KCNK2: variants seen among roughly 807,000 people sequenced by gnomAD.
KCNK2 encodes potassium channel subfamily K member 2.
Under a neutral mutation model 40.5 loss-of-function variants are expected in KCNK2, and 21 were observed. That is an observed-to-expected ratio of 0.52 (90% CI 0.37 to 0.75). The LOEUF (loss-of-function observed/expected upper bound fraction) is 0.75, where lower values mean the gene tolerates loss of function less well. Ranked by LOEUF, KCNK2 falls within the 30% of genes least tolerant of loss-of-function variation. The probability of loss-of-function intolerance (pLI) is 0.00; values close to 1 mark genes in which losing one functional copy is unlikely to be tolerated. For missense variants in KCNK2, 399 were observed against 531.6 expected (o/e 0.75, Z 2.45); for synonymous variants, 191 against 202.2 (o/e 0.94, Z 0.47).
Position 215,083,217 on chromosome 1 carries a change from T to TC in KCNK2, c.-167dup. ...GCTCCCCCCCCCGCCCCCTCCCGCG[T>TC]CCAGCCCCGCTCTCCCCACCTTGTA... On this transcript the variant is annotated 5_prime_UTR_variant, in exon 1 of 7. Transcript: ENST00000444842. 3.1e-5 allele frequency: 17 copies of TC among 556,606 alleles called. No homozygotes were observed. The highest frequency in any genetic ancestry group is 1.3e-4 in the South Asian group (5 of 38,490). 34.5% of individuals were successfully genotyped at this position (556,606 alleles called of 1,614,324 possible). A position where few individuals can be genotyped will look rare whatever the true frequency, so the allele number is the denominator to read the frequency against.
At chr1:215,007,029 A>ATATGTGTGTGTGTG (rs1553254669) in intron 1 of KCNK2, among the ~76,000 whole-genome samples, 35 of 68,414 alleles carry the variant, frequency 5.1e-4, no homozygotes, top group Non-Finnish European at 8.0e-4. Context: ...ATATATATAT[A>ATATGTGTGTGTGTG]TATATATATG....
chr1:215,015,592 T>A lies in KCNK2; in HGVS notation c.34+9637T>A, dbSNP rs564877169. Reference sequence around the variant, plus strand: ...GACATTTTTTCTTCTCTGTTAAAAATCTCAGTGACAGAGACGTGTGCTCCC... The same window carrying A: ...GACATTTTTTCTTCTCTGTTAAAAAACTCAGTGACAGAGACGTGTGCTCCC... On this transcript the variant is annotated intron_variant, in intron 1 of 6. Transcript: ENST00000391895. Among the ~76,000 whole-genome samples the A allele has an allele frequency of 5.7e-4, 87 of 152,232 alleles. 1 individual carries two copies. The highest frequency in any genetic ancestry group is 2.0e-3 in the African/African-American group (83 of 41,560).
At chr1:215,230,505 C>CTGTG (rs201557424) in intron 6 of KCNK2, among the ~76,000 whole-genome samples, 27 of 65,578 alleles carry the variant, frequency 4.1e-4, no homozygotes, top group East Asian at 7.0e-4. Flanking sequence ...ACACACACGG[C>CTGTG]TGTATATATA....
intron 2 of KCNK2, among the ~76,000 whole-genome samples, chr1:215,090,122 C>T (rs1405816016): frequency 1.3e-5 from 2 of 152,002 alleles, no homozygotes; most frequent in East Asian, 1.9e-4. Context: ...CACTGCACCC[C>T]GCCTGTTTAA....
chr1:215,116,151 A>C (rs12145594), intron 2 of KCNK2, among the ~76,000 whole-genome samples: 12,568 of 152,058 alleles, frequency 0.083, 572 homozygotes, highest in Middle Eastern at 0.15. Flanking sequence ...AACTATGTTA[A>C]ATGTAGCTAC....
intron 2 of KCNK2, among the ~76,000 whole-genome samples, chr1:215,089,888 G>A (rs997898508): frequency 5.4e-5 from 8 of 149,190 alleles, no homozygotes; most frequent in African/African-American, 1.2e-4. Context: ...GTGCAATGGC[G>A]TGATCTCGGC....
intron 6 of KCNK2, among the ~76,000 whole-genome samples, chr1:215,201,241 A>C (rs1477177148): frequency 1.4e-5 from 2 of 145,942 alleles, no homozygotes; most frequent in Non-Finnish European, 3.0e-5. Context: ...GGTAGATCAT[A>C]TTGGCTAAAG....
chr1:215,226,158 C>A (rs1402032204), intron 6 of KCNK2, among the ~76,000 whole-genome samples: 3 of 152,214 alleles, frequency 2.0e-5, no homozygotes, highest in African/African-American at 7.2e-5. Context: ...GGTTTGGAAC[C>A]ATTATTGAGG....
chr1:215,179,760 G>A (rs573345130), intron 5 of KCNK2, among the ~76,000 whole-genome samples: 3 of 152,088 alleles, frequency 2.0e-5, no homozygotes, highest in Admixed American at 6.6e-5. Flanking sequence ...TAAATTTATT[G>A]AGATTTGCTT....
chr1:215,207,347 A>G (rs1473990310), intron 6 of KCNK2, among the ~76,000 whole-genome samples: 3 of 152,250 alleles, frequency 2.0e-5, no homozygotes, highest in Admixed American at 1.3e-4. Context: ...CACACTCCCT[A>G]TGAGAATCTA....
At chr1:215,184,437 G>A (rs1664345692) in intron 5 of KCNK2, among the ~76,000 whole-genome samples, 1 of 152,124 alleles carries the variant, frequency 6.6e-6, no homozygotes, top group Non-Finnish European at 1.5e-5. Context: ...CAGGCCTGAT[G>A]TCGTATTGTA....
chr1:215,157,231 C>T (rs903862666), intron 3 of KCNK2, among the ~76,000 whole-genome samples: 1 of 152,174 alleles, frequency 6.6e-6, no homozygotes, highest in Non-Finnish European at 1.5e-5. Flanking sequence ...TTATACTGAG[C>T]TTTAAGGCTG....
At chr1:215,190,232 G>A (rs193112123) in intron 5 of KCNK2, among the ~76,000 whole-genome samples, 4 of 152,216 alleles carry the variant, frequency 2.6e-5, no homozygotes, top group Admixed American at 2.6e-4. Context: ...GGCTGGGAAC[G>A]CTGGAGAGAG....
chr1:215,090,325 G>C (rs999661691), intron 2 of KCNK2, among the ~76,000 whole-genome samples: 1 of 152,156 alleles, frequency 6.6e-6, no homozygotes, highest in Non-Finnish European at 1.5e-5. Context: ...GTTTCCAAGA[G>C]TGCATGGTGG....
Position 215,171,977 on chromosome 1 carries a change from C to A in KCNK2, c.637-20C>A. 1.3e-6 allele frequency: 2 copies of A among 1,570,212 alleles called. No homozygotes were observed. The highest frequency in any genetic ancestry group is 1.7e-6 in the Non-Finnish European group (2 of 1,143,266). ...ATATACATATATATATATACACACA[C>A]CTTTCTGTCTCATCCCTAGAAGTGG... is the stretch of plus-strand genomic sequence containing the variant. On this transcript the variant is annotated intron_variant, in intron 4 of 6. Coordinates refer to ENST00000444842, the MANE Select transcript of KCNK2 (RefSeq NM_001017425.3).
intron 6 of KCNK2, among the ~76,000 whole-genome samples, chr1:215,210,132 CTA>C (rs1665675077): frequency 8.2e-6 from 1 of 122,022 alleles, no homozygotes; most frequent in Non-Finnish European, 1.6e-5. Flanking sequence ...TAAATATACA[CTA>C]TAAATATATA....
chr1:215,206,362 G>T (rs2102679184), intron 6 of KCNK2, among the ~76,000 whole-genome samples: 1 of 152,088 alleles, frequency 6.6e-6, no homozygotes, highest in East Asian at 1.9e-4. Flanking sequence ...TTGACATTCA[G>T]CTGTTTTTGA....
At chr1:215,125,757 TATATATATATATATATATATAA>T (rs1400567940) in intron 3 of KCNK2, among the ~76,000 whole-genome samples, 16 of 8,246 alleles carry the variant, frequency 1.9e-3, no homozygotes, top group African/African-American at 8.8e-3. Context: ...TATATATATA[TATATATATATATATATATATAA>T]AATAAAATTT....
intron 3 of KCNK2, among the ~76,000 whole-genome samples, chr1:215,147,391 T>C (rs1447653875): frequency 6.6e-6 from 1 of 152,256 alleles, no homozygotes; most frequent in Admixed American, 6.5e-5. Context: ...CAGTGTACGA[T>C]GTGTGAAAAT....
Sources: gnomAD v4.1 joint callset for allele counts (sites outside exome capture counted in the v4.1 genomes callset) on GRCh38, gnomAD v4.1.1 for gene constraint, MANE v1.5 for transcripts, NCBI Gene and HGNC (gene_info 2026-07-23, HGNC 2026-07-21) for gene names.